ABCA13: variants seen among roughly 807,000 people sequenced by gnomAD.
ABCA13 encodes ATP-binding cassette sub-family A member 13.
ABCA13 carries 476 observed loss-of-function variants against 478.7 expected under a neutral mutation model. That is an observed-to-expected ratio of 0.99 (90% CI 0.92 to 1.07). The LOEUF (loss-of-function observed/expected upper bound fraction) is 1.07. ABCA13 is among the 50% of genes least tolerant of loss of function. The probability of loss-of-function intolerance (pLI) is 0.00; values close to 1 mark genes in which losing one functional copy is unlikely to be tolerated. For missense variants in ABCA13, 6,060 were observed against 5,910.6 expected (o/e 1.03, Z -0.83); for synonymous variants, 2,252 against 2,158.9 (o/e 1.04, Z -1.20).
intron 1 of ABCA13, among the ~76,000 whole-genome samples, chr7:48,186,454 T>C (rs1796361710): frequency 2.0e-5 from 3 of 152,118 alleles, no homozygotes; most frequent in Admixed American, 6.5e-5. Context: ...GAATTGATAT[T>C]GAGATATTCT....
rs1024607899 is a variant in ABCA13, at chr7:48,356,450, G to A, written c.10688+3963G>A. Among the ~76,000 whole-genome samples the A allele has an allele frequency of 2.0e-5, 3 of 151,416 alleles. 1 individual carries two copies. In the South Asian group the frequency reaches 6.3e-4, roughly 32 times the overall value. ...ATAGTCCAGTAAGATGGGAAAATTG[G>A]TAGTGTATAAACGGGGGGGACAGCT... On this transcript the variant is annotated intron_variant, in intron 31 of 61. Transcript: ENST00000435803.
intron 51 of ABCA13, among the ~76,000 whole-genome samples, chr7:48,515,826 A>G (rs1292096890): frequency 2.6e-5 from 4 of 151,968 alleles, no homozygotes; most frequent in Non-Finnish European, 5.9e-5. Flanking sequence ...TATATTCTTG[A>G]TATCTTTTGA....
chr7:48,457,970 C>T (rs10267753), intron 43 of ABCA13, among the ~76,000 whole-genome samples: 20 of 151,998 alleles, frequency 1.3e-4, no homozygotes, highest in Admixed American at 4.6e-4. Flanking sequence ...AATTAGTGGG[C>T]GAGAAGAATA....
chr7:48,505,093 A>G (rs1056149262), intron 48 of ABCA13, among the ~76,000 whole-genome samples: 1 of 152,240 alleles, frequency 6.6e-6, no homozygotes, highest in Admixed American at 6.5e-5. Flanking sequence ...ATATCTGGAC[A>G]GTATTAATTT....
At chr7:48,597,140 C>T (rs1464772553) in intron 58 of ABCA13, among the ~76,000 whole-genome samples, 12 of 152,024 alleles carry the variant, frequency 7.9e-5, no homozygotes, top group African/African-American at 4.8e-5. Context: ...TTAGTAGAGA[C>T]GGGGTTTCAC....
chr7:48,294,920 T>C (rs947325756), intron 20 of ABCA13, among the ~76,000 whole-genome samples: 4 of 152,250 alleles, frequency 2.6e-5, no homozygotes. Context: ...TTATTGTATA[T>C]AATGTCACAT....
At position 48,224,764 on chromosome 7, in the gene ABCA13, C is replaced by T. The variant is rs530339321; in HGVS notation, c.469-2498C>T. Among the ~76,000 whole-genome samples the T allele has an allele frequency of 3.4e-4, 52 of 152,224 alleles. 1 individual carries two copies. The highest frequency in any genetic ancestry group is 1.5e-3 in the South Asian group (7 of 4,808). ...ATACAGGCAGTGATGTTGTTCAGAG[C>T]GTGTGCTCCCTGATTTAAAAAAGTC... On this transcript the variant is annotated intron_variant, in intron 5 of 61. Transcript: ENST00000435803.
chr7:48,190,257 C>T (rs934960842), intron 1 of ABCA13, among the ~76,000 whole-genome samples: 12 of 152,076 alleles, frequency 7.9e-5, no homozygotes, highest in South Asian at 4.2e-4. Context: ...TTACAAAAGT[C>T]AGCCAAATAT....
chr7:48,346,114 A>G (rs1055079417), intron 29 of ABCA13, among the ~76,000 whole-genome samples: 5 of 152,002 alleles, frequency 3.3e-5, no homozygotes, highest in African/African-American at 1.2e-4. Flanking sequence ...GTGTAAGTCC[A>G]CTCTGTGATG....
At chr7:48,491,795 C>G (rs1829864141) in intron 48 of ABCA13, among the ~76,000 whole-genome samples, 1 of 152,078 alleles carries the variant, frequency 6.6e-6, no homozygotes, top group Non-Finnish European at 1.5e-5. Context: ...TTGCTTGTTC[C>G]TGTGGGAAAT....
chr7:48,565,522 A>G (rs144450946), intron 55 of ABCA13, among the ~76,000 whole-genome samples: 34 of 152,050 alleles, frequency 2.2e-4, no homozygotes, highest in African/African-American at 8.0e-4. Flanking sequence ...ATAGGTGTGT[A>G]TGTGTGTGTG....
intron 15 of ABCA13, among the ~76,000 whole-genome samples, chr7:48,264,493 G>T (rs1223861632): frequency 6.6e-6 from 1 of 151,696 alleles, no homozygotes; most frequent in Non-Finnish European, 1.5e-5. Flanking sequence ...ATGTGTAGTT[G>T]TATGCTATTA....
In ABCA13 at chr7:48,310,812, C is replaced by T. The variant is rs554892562; in HGVS notation, c.9516+671C>T. ...AGGAGGAGCTGGGGCAAGCCCAGGC[C>T]CAGCACTTTCCGGACGGGCCCAGAA... On this transcript the variant is annotated intron_variant, in intron 24 of 61. Coordinates refer to ENST00000435803, the MANE Select transcript of ABCA13 (RefSeq NM_152701.5). Among the ~76,000 whole-genome samples, 4 of 152,184 alleles carry T rather than the reference C, an allele frequency of 2.6e-5. No homozygotes were observed. The East Asian group carries it at 7.7e-4, about 29-fold the overall frequency.
intron 39 of ABCA13, 91 bp from the exon 40 acceptor site, chr7:48,410,429 T>C (rs1370508683): frequency 1.4e-6 from 2 of 1,479,656 alleles, no homozygotes; most frequent in African/African-American, 2.8e-5. Flanking sequence ...CTTTAAATTG[T>C]GCCCTGGATC....
In ABCA13 at chr7:48,471,598, T is replaced by C. The variant is rs753563399; in HGVS notation, c.12974T>C (p.Leu4325Pro). ...GAATTCCAGGATTCATGTGGCTGCC[T>C]GGTAGGTTTCTGCAGCATTTTTGAT... Reference protein sequence around the residue: ...HPEFQDSCGCLKCPNRSASAP... With the variant: ...HPEFQDSCGCPKCPNRSASAP... The change falls in exon 45 of 62, where the codon CTG becomes CCG. Residue 4325 changes from leucine to proline, a missense_variant and splice_region_variant. Physicochemically the swap from Leu to Pro is moderately conservative, Grantham distance 98. Coordinates refer to ENST00000435803, the MANE Select transcript of ABCA13 (RefSeq NM_152701.5). 6.4e-7 allele frequency: 1 copy of C among 1,561,114 alleles called. No individual in the cohort carries two copies. The highest frequency in any genetic ancestry group is 2.3e-5 in the East Asian group (1 of 42,748).
At chr7:48,234,180 G>A (rs202012795) in intron 8 of ABCA13, 29 bp downstream of exon 8, 66 of 1,613,274 alleles carry the variant, frequency 4.1e-5, no homozygotes, top group Middle Eastern at 3.3e-4. Flanking sequence ...TTCTCACACC[G>A]CTGGGCCTTT....
intron 29 of ABCA13, among the ~76,000 whole-genome samples, chr7:48,339,474 G>A (rs563653350): frequency 1.4e-3 from 220 of 152,272 alleles, no homozygotes; most frequent in South Asian, 0.011. Flanking sequence ...TGTGTGGAAC[G>A]CAGATGTCTC....
intron 43 of ABCA13, among the ~76,000 whole-genome samples, chr7:48,462,451 C>T (rs973569953): frequency 6.6e-6 from 1 of 151,938 alleles, no homozygotes; most frequent in Non-Finnish European, 1.5e-5. Flanking sequence ...ATTCCCCCCC[C>T]CCTACTGTTT....
intron 27 of ABCA13, among the ~76,000 whole-genome samples, chr7:48,330,886 G>A (rs1408251397): frequency 6.6e-6 from 1 of 152,162 alleles, no homozygotes; most frequent in African/African-American, 2.4e-5. Flanking sequence ...GCATTGAGGG[G>A]AATCGGGGGA....
Sources: gnomAD v4.1 joint callset for allele counts (sites outside exome capture counted in the v4.1 genomes callset) on GRCh38, gnomAD v4.1.1 for gene constraint, MANE v1.5 for transcripts, NCBI Gene and HGNC (gene_info 2026-07-23, HGNC 2026-07-21) for gene names.